The following LRP1B variants were observed in gnomAD, a reference collection of about 807,000 sequenced individuals.
The protein encoded by LRP1B is low-density lipoprotein receptor-related protein 1B.
In LRP1B, 217 loss-of-function variants were observed where a neutral mutation model predicts 556.6. The observed-to-expected ratio is 0.39, with a 90% CI of 0.35 to 0.44. LRP1B has a LOEUF of 0.44. LRP1B is among the 20% of genes least tolerant of loss of function. The pLI is 1.00. For missense variants in LRP1B, 5,053 were observed against 5,620.8 expected, an observed-to-expected ratio of 0.90 and a Z score of 3.23; for synonymous variants, 2,047 against 1,865.8, an observed-to-expected ratio of 1.10 and a Z score of -2.50.
intron 1 of LRP1B, among the ~76,000 whole-genome samples, chr2:141,899,989 G>A (rs142583603): frequency 2.6e-5 from 4 of 152,152 alleles, no homozygotes; most frequent in Admixed American, 6.6e-5. Flanking sequence ...GAATACCTCC[G>A]TGATAATACT....
chr2:141,798,360 A>G (rs571652712), intron 2 of LRP1B, among the ~76,000 whole-genome samples: 2 of 152,190 alleles, frequency 1.3e-5, no homozygotes, highest in Non-Finnish European at 2.9e-5. Flanking sequence ...CAACTTTTAA[A>G]ACAAGTAACA....
Position 140,700,394 on chromosome 2 carries a change from G to T in LRP1B, c.6655C>A (p.Arg2219Ser), listed in dbSNP as rs149097380. The change falls in exon 41 of 91, where the codon CGT (arginine) becomes AGT (serine). Residue 2219 changes from arginine (R) to serine (S), a missense_variant. Around this residue, in one of 5 missense-constraint regions of LRP1B, gnomAD observed 3,619 missense variants for 3,931.9 expected, o/e 0.92. Transcript: ENST00000389484. The part of the protein sequence containing the change: ...NSPIRPYENP[R>S]YFKNVIALAF... ...AAGGCTATGACATTCTTGAAATAAC[G>T]TGGATTCTCATATGGCCTTATTGGG... The T allele has an allele frequency of 8.1e-6, 13 of 1,613,252 alleles. No homozygotes were observed. Among genetic ancestry groups the T allele is most frequent in the Admixed American group, 1.7e-5 (1 of 59,894 alleles).
chr2:141,239,540 G>C (rs1683784444), intron 5 of LRP1B, among the ~76,000 whole-genome samples: 3 of 151,984 alleles, frequency 2.0e-5, no homozygotes, highest in Non-Finnish European at 1.5e-5. Flanking sequence ...AAATAAAGAA[G>C]ACAATTATAT....
At chr2:140,976,298 C>A (rs1322909385) in intron 18 of LRP1B, among the ~76,000 whole-genome samples, 2 of 152,012 alleles carry the variant, frequency 1.3e-5, no homozygotes, top group African/African-American at 4.8e-5. Context: ...CCCTCCTCTA[C>A]TGTCCTCTCT....
intron 2 of LRP1B, among the ~76,000 whole-genome samples, chr2:141,778,295 A>G (rs1313282537): frequency 2.0e-5 from 3 of 152,212 alleles, no homozygotes. Context: ...TCTTAGACAT[A>G]TGATCTCTGC....
chr2:140,600,767 G>GTTTTTTTTTTTTTTTTTT lies in LRP1B; in HGVS notation c.6989+665_6989+682dup, dbSNP rs61336155. Among the ~76,000 whole-genome samples, 13 of 56,892 alleles carry GTTTTTTTTTTTTTTTTTT rather than the reference G, an allele frequency of 2.3e-4. 1 individual carries two copies. The highest frequency in any genetic ancestry group is 2.7e-4 in the Non-Finnish European group (8 of 29,572). The allele number at this position is 56,892 out of a possible 152,430, so 37.3% of individuals were successfully genotyped here. A position where few individuals can be genotyped will look rare whatever the true frequency, so the allele number is the denominator to read the frequency against. ...CCTTACCTGTGCTTTGTTCTTCGGG[G>GTTTTTTTTTTTTTTTTTT]TTTTTTTTTTTTTTTTTTTTTTTTT... On this transcript the variant is annotated intron_variant, in intron 42 of 90. Coordinates refer to ENST00000389484, the MANE Select transcript of LRP1B (RefSeq NM_018557.3).
intron 2 of LRP1B, among the ~76,000 whole-genome samples, chr2:141,628,694 G>T (rs1216438258): frequency 6.6e-6 from 1 of 151,998 alleles, no homozygotes; most frequent in Non-Finnish European, 1.5e-5. Context: ...TGTCACCCAG[G>T]CTGGAGTACA....
intron 66 of LRP1B, among the ~76,000 whole-genome samples, chr2:140,404,677 C>G (rs1024712817): frequency 1.3e-5 from 2 of 152,056 alleles, no homozygotes; most frequent in Admixed American, 1.3e-4. Context: ...TATCTGTTGT[C>G]TTCAAAAGAC....
At chr2:140,405,622 A>C (rs36121026) in intron 66 of LRP1B, among the ~76,000 whole-genome samples, 42,554 of 152,066 alleles carry the variant, frequency 0.28, 7,295 homozygotes, top group Non-Finnish European at 0.39. Context: ...AATTCCTGTA[A>C]ACATACAATC....
chr2:140,674,399 T>C (rs1220129956), intron 41 of LRP1B, among the ~76,000 whole-genome samples: 1 of 152,178 alleles, frequency 6.6e-6, no homozygotes, highest in African/African-American at 2.4e-5. Flanking sequence ...CTATCTATTA[T>C]CTCTAAGGGT....
At chr2:140,943,729 T>C (rs1357700857) in intron 20 of LRP1B, among the ~76,000 whole-genome samples, 3 of 151,816 alleles carry the variant, frequency 2.0e-5, no homozygotes, top group Non-Finnish European at 4.4e-5. Flanking sequence ...AGATGAAAAA[T>C]AGAGATACAG....
At chr2:141,064,011 T>C (rs1290119860) in intron 7 of LRP1B, among the ~76,000 whole-genome samples, 1 of 151,818 alleles carries the variant, frequency 6.6e-6, no homozygotes, top group Admixed American at 6.6e-5. Flanking sequence ...TGAAGCCTTC[T>C]CTAAAGTCAT....
At chr2:141,342,360 A>G (rs141263673) in intron 3 of LRP1B, among the ~76,000 whole-genome samples, 1,777 of 152,078 alleles carry the variant, frequency 0.012, 23 homozygotes, top group Middle Eastern at 0.02. Context: ...TGAATTTTCT[A>G]TAACTACTCA....
intron 67 of LRP1B, among the ~76,000 whole-genome samples, chr2:140,379,922 A>G (rs1348507903): frequency 6.6e-6 from 1 of 152,180 alleles, no homozygotes; most frequent in Non-Finnish European, 1.5e-5. Context: ...GTGACAATAG[A>G]AATTTCCCTT....
chr2:141,104,568 C>T (rs559647257), intron 7 of LRP1B, among the ~76,000 whole-genome samples: 7 of 152,112 alleles, frequency 4.6e-5, no homozygotes, highest in South Asian at 4.2e-4. Context: ...TCCTCTTCTC[C>T]GCTAGATTCA....
intron 1 of LRP1B, among the ~76,000 whole-genome samples, chr2:141,813,739 G>A (rs1387176364): frequency 6.6e-6 from 1 of 152,104 alleles, no homozygotes; most frequent in African/African-American, 2.4e-5. Context: ...CAGTGGGTGG[G>A]AGCGTTACAG....
intron 32 of LRP1B, among the ~76,000 whole-genome samples, chr2:140,782,437 G>C (rs1689732371): frequency 6.6e-6 from 1 of 152,120 alleles, no homozygotes; most frequent in South Asian, 2.1e-4. Context: ...GAAAGGCCAT[G>C]TGAAACCACA....
At chr2:141,177,760 A>G in intron 7 of LRP1B, among the ~76,000 whole-genome samples, 1 of 152,252 alleles carries the variant, frequency 6.6e-6, no homozygotes, top group Middle Eastern at 3.4e-3. Flanking sequence ...CTAATATTAG[A>G]AACTTCTACT....
At chr2:141,044,328 C>A (rs1464315193) in intron 11 of LRP1B, among the ~76,000 whole-genome samples, 1 of 151,672 alleles carries the variant, frequency 6.6e-6, no homozygotes, top group Non-Finnish European at 1.5e-5. Context: ...TAGAAAAAAA[C>A]CTAGGCATTA....
Sources: gnomAD v4.1 joint callset for allele counts (sites outside exome capture counted in the v4.1 genomes callset) on GRCh38, gnomAD v4.1.1 for gene constraint, gnomAD v4.1.1 regional missense constraint, MANE v1.5 for transcripts, NCBI Gene and HGNC (gene_info 2026-07-23, HGNC 2026-07-21) for gene names.